The following PRKX variants were observed in gnomAD, a reference collection of about 807,000 sequenced individuals.
PRKX encodes the protein protein kinase cAMP-dependent X-linked catalytic subunit.
PRKX carries 12 observed loss-of-function variants against 22.0 expected under a neutral mutation model. That is an observed-to-expected ratio of 0.54 (90% CI 0.35 to 0.88). PRKX has a LOEUF of 0.88. Ranked by LOEUF, PRKX falls within the 40% of genes least tolerant of loss-of-function variation. The probability of loss-of-function intolerance (pLI) is 0.01; values close to 1 mark genes in which losing one functional copy is unlikely to be tolerated. For synonymous variants in PRKX, 134 were observed against 137.7 expected (o/e 0.97, Z 0.19); for missense variants, 217 against 308.0 (o/e 0.70, Z 2.21).
At chrX:3,673,653 T>G (rs1191030543) in intron 2 of PRKX, among the ~76,000 whole-genome samples, 1 of 110,435 alleles carries the variant, frequency 9.1e-6, no homozygotes, top group African/African-American at 3.3e-5. Context: ...GGGAATTGGA[T>G]GGAAGGCACC....
chrX:3,666,014 T>C (rs1447968467), intron 2 of PRKX, among the ~76,000 whole-genome samples: 1 of 81,248 alleles, frequency 1.2e-5, no homozygotes, highest in African/African-American at 5.0e-5. Context: ...TTTTGTTTTC[T>C]GTTTTTTTTT....
At chrX:3,624,763 G>C (rs1926627148) in intron 5 of PRKX, among the ~76,000 whole-genome samples, 1 of 110,336 alleles carries the variant, frequency 9.1e-6, no homozygotes, top group Non-Finnish European at 1.9e-5. Context: ...GGGACTACAG[G>C]CACTTGCTAC....
At chrX:3,616,914 G>A (rs1186494405) in intron 6 of PRKX, among the ~76,000 whole-genome samples, 2 of 111,025 alleles carry the variant, frequency 1.8e-5, no homozygotes, top group Non-Finnish European at 3.8e-5. Context: ...TTATCCATCA[G>A]ATAAAATTCT....
intron 1 of PRKX, among the ~76,000 whole-genome samples, chrX:3,697,007 A>G (rs7885504): frequency 0.43 from 46,690 of 109,535 alleles, 8,042 homozygotes; most frequent in African/African-American, 0.59. Context: ...GCGACAGAGC[A>G]AGACTGTCTC....
intron 7 of PRKX, among the ~76,000 whole-genome samples, chrX:3,613,150 CAAAAAAAAAAAAAAAAAAAAAAA>C (rs528688936): frequency 0.56 from 30,669 of 54,502 alleles, 5,052 homozygotes; most frequent in African/African-American, 0.67. Context: ...GACTTCGTCT[CAAAAAAAAAAAAAAAAAAAAAAA>C]AAAAAAAAAA....
chrX:3,684,122 C>T (rs776816574), intron 1 of PRKX, among the ~76,000 whole-genome samples: 4 of 110,651 alleles, frequency 3.6e-5, no homozygotes, highest in East Asian at 5.7e-4. Flanking sequence ...GGTAGTGGCG[C>T]GCTCCTGTAA....
At chrX:3,704,653 C>A (rs1222771460) in intron 1 of PRKX, among the ~76,000 whole-genome samples, 1 of 109,551 alleles carries the variant, frequency 9.1e-6, no homozygotes, top group Admixed American at 9.7e-5. Context: ...CCGAGTGAGA[C>A]CCTGTCCAAA....
chrX:3,689,850 G>GCA (rs1928279595), intron 1 of PRKX, among the ~76,000 whole-genome samples: 2 of 111,211 alleles, frequency 1.8e-5, no homozygotes, highest in Non-Finnish European at 3.8e-5. Context: ...GGTGGCGGAA[G>GCA]CCTGTAGTCC....
intron 7 of PRKX, among the ~76,000 whole-genome samples, chrX:3,613,851 T>A (rs1926356371): frequency 5.1e-5 from 1 of 19,625 alleles, no homozygotes; most frequent in South Asian, 5.8e-3. Context: ...TGAGACTCCA[T>A]CTCAAAAAAA....
intron 1 of PRKX, among the ~76,000 whole-genome samples, chrX:3,699,667 T>TA (rs1407140210): frequency 8.9e-6 from 1 of 112,461 alleles, no homozygotes; most frequent in Non-Finnish European, 1.9e-5. Flanking sequence ...GTTTCACTCT[T>TA]AAAGAGGTAG....
At chrX:3,634,315 G>A (rs1051788453) in intron 4 of PRKX, among the ~76,000 whole-genome samples, 2 of 110,354 alleles carry the variant, frequency 1.8e-5, no homozygotes, top group African/African-American at 3.3e-5. Flanking sequence ...GAATCAGGGA[G>A]GCTGAGGTGG....
At chrX:3,659,045 C>T (rs1345002602) in intron 2 of PRKX, among the ~76,000 whole-genome samples, 1 of 111,207 alleles carries the variant, frequency 9.0e-6, no homozygotes, top group Non-Finnish European at 1.9e-5. Context: ...GCAGGAGGAT[C>T]ACTTGAGGCC....
intron 1 of PRKX, among the ~76,000 whole-genome samples, chrX:3,712,285 G>A (rs751343292): frequency 1.8e-5 from 2 of 111,050 alleles, no homozygotes; most frequent in South Asian, 4.0e-4. Context: ...TGGCACAGGC[G>A]GGCCGATGAC....
At chrX:3,689,795 G>T (rs1447541605) in intron 1 of PRKX, among the ~76,000 whole-genome samples, 1 of 111,522 alleles carries the variant, frequency 9.0e-6, no homozygotes, top group Admixed American at 9.6e-5. Flanking sequence ...GGCTAACACG[G>T]TGAAACCCTG....
chrX:3,699,379 G>C (rs1928511711), intron 1 of PRKX, among the ~76,000 whole-genome samples: 1 of 109,830 alleles, frequency 9.1e-6, no homozygotes, highest in African/African-American at 3.3e-5. Flanking sequence ...TTGAGGTGGA[G>C]TCTCACTCTG....
intron 4 of PRKX, 106 bp downstream of exon 4, chrX:3,641,746 A>C: frequency 3.5e-6 from 1 of 287,460 alleles, no homozygotes; most frequent in Non-Finnish European, 5.9e-6. Flanking sequence ...TGTTTGCGAC[A>C]CTCACGTACT....
At chrX:3,687,784 G>A (rs1430890457) in intron 1 of PRKX, among the ~76,000 whole-genome samples, 6 of 111,089 alleles carry the variant, frequency 5.4e-5, no homozygotes, top group Non-Finnish European at 7.5e-5. Context: ...ACCCCAAACA[G>A]GCCAATGTTG....
intron 3 of PRKX, among the ~76,000 whole-genome samples, chrX:3,650,435 G>A (rs1473989296): frequency 1.0e-5 from 1 of 99,887 alleles, no homozygotes; most frequent in Non-Finnish European, 2.0e-5. Context: ...GCAGGAGAAT[G>A]GCGTGAACCC....
intron 2 of PRKX, among the ~76,000 whole-genome samples, chrX:3,666,614 T>G (rs898741967): frequency 1.8e-5 from 2 of 108,933 alleles, no homozygotes; most frequent in Non-Finnish European, 3.8e-5. Context: ...TTGCCAAAAA[T>G]TAAAATATTA....
Sources: allele counts gnomAD v4.1 joint callset (sites outside exome capture counted in the v4.1 genomes callset), GRCh38; gene constraint gnomAD v4.1.1; transcripts MANE v1.5; gene names NCBI Gene and HGNC (gene_info 2026-07-23, HGNC 2026-07-21).